Variants in CSPP1 observed in about 807,000 individuals in gnomAD.
The protein encoded by CSPP1 is centrosome and spindle pole-associated protein 1.
A neutral mutation model predicts 164.4 loss-of-function variants in CSPP1; 126 were observed. That is an observed-to-expected ratio of 0.77 (90% CI 0.66 to 0.89). The LOEUF is 0.89. Among genes scored for constraint, CSPP1 ranks in the 40% least tolerant of loss-of-function variants. The pLI, the probability that CSPP1 is intolerant of heterozygous loss-of-function variation, is 0.00. For synonymous variants in CSPP1, 472 were observed against 476.7 expected (o/e 0.99, Z 0.13); for missense variants, 1,395 against 1,449.8 (o/e 0.96, Z 0.61).
chr8:67,083,548 A>AAAAAAAAAAAAAAAATAT (rs1332248754), intron 3 of CSPP1: 3 of 91,484 alleles, frequency 3.3e-5, no homozygotes, highest in Admixed American at 1.4e-4. Context: ...AAAAAAAAAA[A>AAAAAAAAAAAAAAAATAT]ATATATATAT....
intron 4 of CSPP1, among the ~76,000 whole-genome samples, chr8:67,088,432 C>T (rs1406692541): frequency 2.6e-5 from 4 of 151,436 alleles, no homozygotes; most frequent in South Asian, 2.1e-4. Context: ...GAACTACAGG[C>T]GTCCACCACC....
At chr8:67,074,486 A>G (rs775604221) in intron 2 of CSPP1, 135 bp downstream of exon 2, 32 of 522,180 alleles carry the variant, frequency 6.1e-5, no homozygotes, top group Non-Finnish European at 9.4e-5. Flanking sequence ...TAGGAGCCTG[A>G]CTCCAGACAA....
chr8:67,182,317 C>CT (rs112406408), intron 28 of CSPP1, among the ~76,000 whole-genome samples: 59 of 146,158 alleles, frequency 4.0e-4, no homozygotes, highest in East Asian at 2.6e-3. Context: ...CAGATTTCCC[C>CT]TTTTTTTTTT....
At chr8:67,089,739 ATGAT>A (rs1196857974) in intron 4 of CSPP1, among the ~76,000 whole-genome samples, 2 of 152,138 alleles carry the variant, frequency 1.3e-5, no homozygotes, top group African/African-American at 4.8e-5. Flanking sequence ...GAATGAATGA[ATGAT>A]TAAAATTTAG....
chr8:67,189,603 T>C (rs1399641192), intron 28 of CSPP1, among the ~76,000 whole-genome samples: 1 of 152,034 alleles, frequency 6.6e-6, no homozygotes, highest in South Asian at 2.1e-4. Context: ...AATGATAGTG[T>C]TGTATAAATG....
intron 1 of CSPP1, among the ~76,000 whole-genome samples, chr8:67,067,200 C>G (rs1005688957): frequency 6.6e-6 from 1 of 152,194 alleles, no homozygotes; most frequent in Non-Finnish European, 1.5e-5. Flanking sequence ...GCAACATTTT[C>G]CCATCTTTTT....
At chr8:67,145,351 C>G (rs1029664323) in intron 17 of CSPP1, among the ~76,000 whole-genome samples, 1 of 151,918 alleles carries the variant, frequency 6.6e-6, no homozygotes, top group Non-Finnish European at 1.5e-5. Flanking sequence ...CTTAATCTGT[C>G]TGGCTGGATG....
chr8:67,115,714 A>G (rs1817802260), intron 12 of CSPP1, among the ~76,000 whole-genome samples, 200 bp from the exon 13 acceptor site: 1 of 152,118 alleles, frequency 6.6e-6, no homozygotes, highest in Non-Finnish European at 1.5e-5. Context: ...ATAGATATTC[A>G]GAGTCTTTTA....
At chr8:67,101,641 G>A (rs1478884216) in intron 7 of CSPP1, among the ~76,000 whole-genome samples, 1 of 152,174 alleles carries the variant, frequency 6.6e-6, no homozygotes, top group African/African-American at 2.4e-5. Context: ...GTTATGCCAT[G>A]TCATAGTTAC....
chr8:67,110,186 G>C (rs1338094383), intron 9 of CSPP1, among the ~76,000 whole-genome samples: 1 of 151,114 alleles, frequency 6.6e-6, no homozygotes, highest in East Asian at 1.9e-4. Context: ...TTTTTCCCCA[G>C]GTTGTTTTAT....
At chr8:67,164,268 A>C in intron 23 of CSPP1, 123 bp from the exon 24 acceptor site, 1 of 586,300 alleles carries the variant, frequency 1.7e-6, no homozygotes, top group Non-Finnish European at 3.0e-6. Flanking sequence ...AAATGTTAAA[A>C]TATCTTTCAT....
At chr8:67,124,230 G>A (rs1468514713) in intron 15 of CSPP1, among the ~76,000 whole-genome samples, 2 of 152,164 alleles carry the variant, frequency 1.3e-5, no homozygotes, top group African/African-American at 2.4e-5. Context: ...ATATTTAATA[G>A]CATTCAATTT....
intron 15 of CSPP1, 83 bp from the exon 16 acceptor site, chr8:67,131,868 C>A: frequency 8.2e-7 from 1 of 1,220,826 alleles, no homozygotes; most frequent in Non-Finnish European, 1.1e-6. Flanking sequence ...TATTTATATG[C>A]CATGCTATTT....
chr8:67,180,006 CTTG>C, intron 28 of CSPP1, 80 bp downstream of exon 28: 2 of 745,672 alleles, frequency 2.7e-6, no homozygotes, highest in South Asian at 1.8e-5. Context: ...TACTGTATTC[CTTG>C]TTGTACAAGG....
chr8:67,165,763 G>A (rs1181736185), intron 24 of CSPP1, among the ~76,000 whole-genome samples: 1 of 152,182 alleles, frequency 6.6e-6, no homozygotes, highest in African/African-American at 2.4e-5. Flanking sequence ...CTCTGGAAAT[G>A]TTAACCTTGG....
intron 17 of CSPP1, among the ~76,000 whole-genome samples, chr8:67,140,304 C>G (rs563281243): frequency 1.5e-3 from 221 of 152,228 alleles, no homozygotes; most frequent in African/African-American, 5.1e-3. Flanking sequence ...AGGCTGGTCT[C>G]AAACTCCTGA....
At position 67,091,871 on chromosome 8, in the gene CSPP1, G is replaced by T. The variant is rs752379593; in HGVS notation, c.372G>T (p.Arg124Ser). 2.2e-6 allele frequency: 3 copies of T among 1,338,810 alleles called. No individual in the cohort carries two copies. The South Asian group carries it at 3.6e-5, about 16-fold the overall frequency. The allele number at this position is 1,338,810 out of a possible 1,614,324, so 82.9% of individuals were successfully genotyped here. A position where few individuals can be genotyped will look rare whatever the true frequency, so the allele number is the denominator to read the frequency against. ...TLGVSLPIGE[R>S]LSAKERLKLE... ...GAGTTTCTCTTCCTATTGGTGAGAG[G>T]TTATCTGCTAAGGTAGGTGGATAGG... Residue 124 changes from arginine (R) to serine (S), a missense_variant, in exon 5 of 31, where the codon AGG becomes AGT. Physicochemically the swap from Arg to Ser is moderately radical, Grantham distance 110. Coordinates refer to ENST00000678616, the MANE Select transcript of CSPP1 (RefSeq NM_001382391.1).
At chr8:67,103,360 C>G (rs1021709755) in intron 8 of CSPP1, among the ~76,000 whole-genome samples, 1 of 151,904 alleles carries the variant, frequency 6.6e-6, no homozygotes, top group Non-Finnish European at 1.5e-5. Context: ...ATAAAGTGTG[C>G]CAAGGTGTTC....
At chr8:67,188,677 C>T (rs554666417) in intron 28 of CSPP1, among the ~76,000 whole-genome samples, 26 of 152,306 alleles carry the variant, frequency 1.7e-4, no homozygotes, top group Non-Finnish European at 3.5e-4. Context: ...TGTTTGCCGC[C>T]GTTGCAGACC....
Sources: allele counts gnomAD v4.1 joint callset (sites outside exome capture counted in the v4.1 genomes callset), GRCh38; gene constraint gnomAD v4.1.1; transcripts MANE v1.5; gene names NCBI Gene and HGNC (gene_info 2026-07-23, HGNC 2026-07-21).